MTR: variants seen among roughly 807,000 people sequenced by gnomAD.
MTR encodes 5-methyltetrahydrofolate-homocysteine methyltransferase.
MTR carries 84 observed loss-of-function variants against 154.8 expected under a neutral mutation model. The observed-to-expected ratio is 0.54, with a 90% CI of 0.45 to 0.65. The LOEUF (loss-of-function observed/expected upper bound fraction) is 0.65. Ranked by LOEUF, MTR falls within the 30% of genes least tolerant of loss-of-function variation. The pLI is 0.00. For missense variants in MTR, 1,275 were observed against 1,570.2 expected, an observed-to-expected ratio of 0.81 and a Z score of 3.18; for synonymous variants, 554 against 553.9, an observed-to-expected ratio of 1.00 and a Z score of 0.00.
At chr1:236,803,678 T>A in intron 2 of MTR, 36 bp downstream of exon 2, 1 of 1,590,942 alleles carries the variant, frequency 6.3e-7, no homozygotes, top group Non-Finnish European at 8.6e-7. Flanking sequence ...GTATTCATTC[T>A]GTTATTCTGC....
At chr1:236,862,371 C>T (rs890684087) in intron 21 of MTR, 28 bp downstream of exon 21, 11 of 1,579,134 alleles carry the variant, frequency 7.0e-6, no homozygotes, top group Non-Finnish European at 9.6e-6. Context: ...GGCCTATGGG[C>T]CTTTAGTGGG....
intron 19 of MTR, among the ~76,000 whole-genome samples, chr1:236,860,524 A>T (rs888041315): frequency 6.6e-6 from 1 of 151,626 alleles, no homozygotes; most frequent in African/African-American, 2.4e-5. Flanking sequence ...GGGACCTTGG[A>T]GGAGTGGGGC....
At chr1:236,814,820 T>C (rs1308584277) in intron 6 of MTR, among the ~76,000 whole-genome samples, 1 of 152,204 alleles carries the variant, frequency 6.6e-6, no homozygotes, top group African/African-American at 2.4e-5. Context: ...GTAAGATCTT[T>C]AGGATCAATT....
chr1:236,894,602 G>T lies in MTR; in HGVS notation c.3405+45G>T, dbSNP rs773770506. ...CCGAGGGGCTGAGGACAGAGGCCAG[G>T]CAGTAGGGAGCCTGGGGTGGGTGCC... On this transcript the variant is annotated intron_variant, in intron 30 of 32. Transcript: ENST00000366577. The T allele has an allele frequency of 6.2e-6, 10 of 1,608,612 alleles. No homozygotes were observed. In the African/African-American group the frequency reaches 1.1e-4, roughly 17 times the overall value.
rs760993151 is a variant in MTR, at chr1:236,853,019, G to C, written c.1884G>C (p.Leu628=). The C allele has an allele frequency of 6.2e-7, 1 of 1,613,998 alleles. No homozygotes were observed. Among genetic ancestry groups the C allele is most frequent in the Admixed American group, 1.7e-5 (1 of 59,996 alleles). The change falls in exon 18 of 33, where the codon CTG becomes CTC. Residue 628 remains leucine, a synonymous_variant. Coordinates refer to ENST00000366577, the MANE Select transcript of MTR (RefSeq NM_000254.3). ...PVYDDIHKEL[L]QLCEDLIWNK... is the part of the protein sequence containing the mutation. ...ATGATGATATCCATAAGGAACTTCT[G>C]CAGCTCTGTGAAGATCTCATCTGGA...
chr1:236,886,610 C>T (rs540740397), intron 27 of MTR, among the ~76,000 whole-genome samples: 1 of 152,326 alleles, frequency 6.6e-6, no homozygotes. Flanking sequence ...CTTCAGACAA[C>T]TCCATAATGG....
Position 236,795,516 on chromosome 1 carries a change from C to T in MTR, c.-188C>T, listed in dbSNP as rs1374147682. 4 of 1,526,262 alleles carry T rather than the reference C, an allele frequency of 2.6e-6. No individual in the cohort carries two copies. The allele number at this position is 1,526,262 out of a possible 1,614,324, so 94.5% of individuals were successfully genotyped here. A position where few individuals can be genotyped will look rare whatever the true frequency, so the allele number is the denominator to read the frequency against. On this transcript the variant is annotated 5_prime_UTR_variant, in exon 1 of 33. Coordinates refer to ENST00000366577, the MANE Select transcript of MTR (RefSeq NM_000254.3). Reference sequence around the variant, plus strand: ...TGCCGCGCCCAGCCCCGAGAGAGGCCCTAGGGCGCTGCGGGCTTTCGGGGT... The same window carrying T: ...TGCCGCGCCCAGCCCCGAGAGAGGCTCTAGGGCGCTGCGGGCTTTCGGGGT...
intron 18 of MTR, among the ~76,000 whole-genome samples, chr1:236,853,685 A>C (rs1245590536): frequency 6.6e-6 from 1 of 152,114 alleles, no homozygotes; most frequent in Non-Finnish European, 1.5e-5. Context: ...TGGCTATGTT[A>C]GTGTTACATG....
At chr1:236,869,439 C>A (rs1269068224) in intron 22 of MTR, among the ~76,000 whole-genome samples, 1 of 152,214 alleles carries the variant, frequency 6.6e-6, no homozygotes, top group African/African-American at 2.4e-5. Flanking sequence ...CTCAAGTGAT[C>A]CTCCTGCCTT....
chr1:236,868,728 G>A (rs759565823), intron 22 of MTR, among the ~76,000 whole-genome samples: 1 of 152,126 alleles, frequency 6.6e-6, no homozygotes, highest in African/African-American at 2.4e-5. Flanking sequence ...ATAACCAGTG[G>A]TTCTTAATAT....
intron 8 of MTR, among the ~76,000 whole-genome samples, chr1:236,821,652 C>T (rs1488616763): frequency 1.3e-5 from 2 of 152,154 alleles, no homozygotes; most frequent in African/African-American, 4.8e-5. Context: ...CCACGATCAT[C>T]TAAATTTTTT....
intron 8 of MTR, chr1:236,819,765 G>C: frequency 1.3e-6 from 1 of 754,194 alleles, no homozygotes; most frequent in Non-Finnish European, 2.4e-6. Flanking sequence ...AAGGAAAAAT[G>C]ATGGGATCTA....
chr1:236,812,860 A>G lies in MTR; in HGVS notation c.609+16A>G. 1.2e-6 allele frequency: 2 copies of G among 1,603,398 alleles called. No individual in the cohort carries two copies. The highest frequency in any genetic ancestry group is 1.7e-6 in the Non-Finnish European group (2 of 1,170,256). On this transcript the variant is annotated intron_variant, in intron 6 of 32. Coordinates refer to ENST00000366577, the MANE Select transcript of MTR (RefSeq NM_000254.3). Reference sequence around the variant, plus strand: ...CAATGCCAAGGTGAGTTAAGGGAGAAAAAACAGACAAGGCTGGGGTAAGGG... The same window carrying G: ...CAATGCCAAGGTGAGTTAAGGGAGAGAAAACAGACAAGGCTGGGGTAAGGG...
chr1:236,866,482 G>A (rs73129187), intron 22 of MTR, among the ~76,000 whole-genome samples: 10,951 of 134,366 alleles, frequency 0.082, 779 homozygotes, highest in African/African-American at 0.19. Context: ...TTGAAATTAG[G>A]CCAGTTAATA....
At position 236,894,574 on chromosome 1, in the gene MTR, G is replaced by A. The variant is rs753991685; in HGVS notation, c.3405+17G>A. On this transcript the variant is annotated intron_variant, in intron 30 of 32. Transcript: ENST00000366577. ...CTGGCAGAGGTAAGGCAGAGGCATTGCGCCGAGGGGCTGAGGACAGAGGCC... is the reference window on the plus strand; with the variant it reads ...CTGGCAGAGGTAAGGCAGAGGCATTACGCCGAGGGGCTGAGGACAGAGGCC... The A allele has an allele frequency of 5.6e-6, 9 of 1,613,536 alleles. No homozygotes were observed. In the South Asian group the frequency reaches 8.8e-5, roughly 16 times the overall value.
chr1:236,856,012 G>A (rs189135994), intron 18 of MTR, among the ~76,000 whole-genome samples: 30 of 152,284 alleles, frequency 2.0e-4, no homozygotes, highest in African/African-American at 3.6e-4. Flanking sequence ...ATCAGGTTTG[G>A]AACATAGCTA....
chr1:236,852,772 C>A (rs1466934124), intron 17 of MTR, 135 bp downstream of exon 17: 4 of 1,071,204 alleles, frequency 3.7e-6, no homozygotes, highest in Non-Finnish European at 5.7e-6. Flanking sequence ...TAGAGCCACA[C>A]CTATTCATTT....
intron 25 of MTR, among the ~76,000 whole-genome samples, chr1:236,881,104 A>G (rs1223324329): frequency 6.6e-6 from 1 of 152,144 alleles, no homozygotes; most frequent in African/African-American, 2.4e-5. Flanking sequence ...CTGGACACCA[A>G]CCAGACAAAG....
chr1:236,861,098 T>TTTTTTTTTTTTTTTTTTTTTTTTTC, intron 19 of MTR, 27 bp from the exon 20 acceptor site: 2 of 361,098 alleles, frequency 5.5e-6, no homozygotes, highest in Non-Finnish European at 8.8e-6. Context: ...TTTCTTTTTC[T>TTTTTTTTTTTTTTTTTTTTTTTTTC]TTTTTTTTTT....
Sources: gnomAD v4.1 joint callset for allele counts (sites outside exome capture counted in the v4.1 genomes callset) on GRCh38, gnomAD v4.1.1 for gene constraint, MANE v1.5 for transcripts, NCBI Gene and HGNC (gene_info 2026-07-23, HGNC 2026-07-21) for gene names.